PCDHA6: variants seen among roughly 807,000 people sequenced by gnomAD.
PCDHA6 encodes protocadherin alpha 6.
A neutral mutation model predicts 60.3 loss-of-function variants in PCDHA6; 55 were observed. The ratio of observed to expected loss-of-function variants is 0.91; its 90% confidence interval spans 0.73 to 1.14. The LOEUF (loss-of-function observed/expected upper bound fraction) is 1.14, where lower values mean the gene tolerates loss of function less well. PCDHA6 is among the 50% of genes most tolerant of loss of function. PCDHA6 has a pLI of 0.00. For missense variants in PCDHA6, 1,327 were observed against 1,256.5 expected (o/e 1.06, Z -0.85); for synonymous variants, 652 against 557.9 (o/e 1.17, Z -2.38).
At chr5:140,967,731 G>T in intron 1 of PCDHA6, 1 of 1,614,164 alleles carries the variant, frequency 6.2e-7, no homozygotes, top group African/African-American at 1.3e-5. Context: ...GTAATTGGGG[G>T]GCTGGATTAT....
At chr5:140,870,920 T>G (rs782215482) in intron 1 of PCDHA6, 20 of 1,613,814 alleles carry the variant, frequency 1.2e-5, no homozygotes, top group Non-Finnish European at 3.4e-6. Flanking sequence ...AACGCGTGGC[T>G]TTCATATGAA....
rs1554254172 is a variant in PCDHA6, at chr5:140,994,436, C to G, written c.2542+11873C>G. On this transcript the variant is annotated intron_variant, in intron 3 of 3. Coordinates refer to ENST00000529310, the MANE Select transcript of PCDHA6 (RefSeq NM_018909.4). ...TGGATATTGAGGCCGGGCGCAGTGG[C>G]TCACACCTGTGATCCCAGCACTTTG... 1.3e-5 allele frequency among the ~76,000 whole-genome samples: 2 copies of G among 152,164 alleles called. 1 individual carries two copies. Among genetic ancestry groups the G allele is most frequent in the African/African-American group, 4.8e-5 (2 of 41,432 alleles).
intron 1 of PCDHA6, among the ~76,000 whole-genome samples, chr5:140,973,225 G>A (rs1554235003): frequency 6.6e-6 from 1 of 152,180 alleles, no homozygotes; most frequent in African/African-American, 2.4e-5. Flanking sequence ...TCCAGGTATA[G>A]TGACCTGAAA....
intron 3 of PCDHA6, among the ~76,000 whole-genome samples, chr5:140,989,348 G>A (rs1455202093): frequency 6.6e-6 from 1 of 152,196 alleles, no homozygotes; most frequent in African/African-American, 2.4e-5. Context: ...GCTCAAAGGT[G>A]ATAGGTCACC....
intron 1 of PCDHA6, among the ~76,000 whole-genome samples, chr5:140,932,550 A>T (rs552367725): frequency 2.6e-5 from 4 of 152,058 alleles, no homozygotes; most frequent in Admixed American, 2.0e-4. Context: ...TTTAACATAC[A>T]TTCCACAAGT....
chr5:140,876,898 A>G (rs2056678585), intron 1 of PCDHA6: 38 of 1,614,056 alleles, frequency 2.4e-5, no homozygotes, highest in Non-Finnish European at 3.1e-5. Flanking sequence ...CCACATCTTC[A>G]CGGTGTCGGC....
At chr5:140,927,295 G>T (rs1343982131) in intron 1 of PCDHA6, 2 of 1,614,032 alleles carry the variant, frequency 1.2e-6, no homozygotes, top group African/African-American at 2.7e-5. Context: ...GCACATCCCC[G>T]AGTTCCTGAC....
intron 1 of PCDHA6, chr5:140,968,744 G>T: frequency 6.2e-7 from 1 of 1,614,164 alleles, no homozygotes; most frequent in Non-Finnish European, 8.5e-7. Context: ...CAACCTGACC[G>T]TGGTGGTCCG....
chr5:140,930,997 A>G (rs1355351475), intron 1 of PCDHA6, among the ~76,000 whole-genome samples: 3 of 152,198 alleles, frequency 2.0e-5, no homozygotes, highest in Admixed American at 1.3e-4. Context: ...GACCTACACT[A>G]ATAACATAAC....
At chr5:140,927,376 A>G (rs1554204440) in intron 1 of PCDHA6, 13 of 1,614,094 alleles carry the variant, frequency 8.1e-6, no homozygotes, top group East Asian at 2.2e-5. Context: ...ACTAAGCTAC[A>G]GCCTAAGCCC....
chr5:141,006,105 G>T (rs2098255059), intron 3 of PCDHA6, among the ~76,000 whole-genome samples: 1 of 143,364 alleles, frequency 7.0e-6, no homozygotes. Context: ...ATGGTAAGGA[G>T]TTTTTTTTTT....
chr5:140,837,077 T>G (rs1350684380), intron 1 of PCDHA6: 3 of 173,170 alleles, frequency 1.7e-5, no homozygotes, highest in Non-Finnish European at 3.7e-5. Context: ...AATCAATACC[T>G]ATAAATGTTA....
In PCDHA6 at chr5:141,010,432, C is replaced by T; in HGVS notation, c.*495C>T. On this transcript the variant is annotated 3_prime_UTR_variant, in exon 4 of 4. Coordinates refer to ENST00000529310, the MANE Select transcript of PCDHA6 (RefSeq NM_018909.4). The stretch of plus-strand genomic sequence containing the variant: ...AATTGGTACAAGGAAGGCAAGAAAA[C>T]AAAGACAAATAAACAGCGGAAGTTA... 1 of 1,056,970 alleles carries T rather than the reference C, an allele frequency of 9.5e-7. No individual in the cohort carries two copies. The highest frequency in any genetic ancestry group is 1.3e-6 in the Non-Finnish European group (1 of 756,282). 65.5% of individuals were successfully genotyped at this position (1,056,970 alleles called of 1,614,324 possible).
At chr5:140,871,719 T>C in intron 1 of PCDHA6, 1 of 783,566 alleles carries the variant, frequency 1.3e-6, no homozygotes, top group Non-Finnish European at 1.9e-6. Context: ...CCTATTTCTC[T>C]TAATATTTGG....
At chr5:140,857,986 A>C in intron 1 of PCDHA6, 1 of 1,596,686 alleles carries the variant, frequency 6.3e-7, no homozygotes, top group South Asian at 1.1e-5. Flanking sequence ...GCCAGCGCCT[A>C]CTGGTGCTGG....
chr5:140,882,813 C>T lies in PCDHA6; in HGVS notation c.2394+52328C>T, dbSNP rs782169035. On this transcript the variant is annotated intron_variant, in intron 1 of 3. Transcript: ENST00000529310. ...CCCAACGATTATTTCACTTTGGACG[C>T]ACAAAACAGTCTTGAGCAAATGTCT... 4 of 1,614,176 alleles carry T rather than the reference C, an allele frequency of 2.5e-6. No individual in the cohort carries two copies. The East Asian group carries it at 6.7e-5, about 27-fold the overall frequency.
At position 140,970,091 on chromosome 5, in the gene PCDHA6, G is replaced by A. The variant is rs542039822; in HGVS notation, c.2395-8858G>A. ...AATGAGTGGATTAGGGGTGTGGGGG[G>A]ATGGTGAAGACCAAGAGAAGCTGGG... On this transcript the variant is annotated intron_variant, in intron 1 of 3. Coordinates refer to ENST00000529310, the MANE Select transcript of PCDHA6 (RefSeq NM_018909.4). 3.9e-4 allele frequency among the ~76,000 whole-genome samples: 59 copies of A among 152,258 alleles called. 1 individual carries two copies. Among genetic ancestry groups the A allele is most frequent in the Admixed American group, 1.1e-3 (17 of 15,292 alleles).
intron 1 of PCDHA6, among the ~76,000 whole-genome samples, chr5:140,873,515 C>A (rs2054335003): frequency 6.6e-6 from 1 of 152,056 alleles, no homozygotes; most frequent in African/African-American, 2.4e-5. Context: ...ATACTTAATG[C>A]CAAGATTGCA....
At chr5:140,863,429 G>A (rs781937083) in intron 1 of PCDHA6, 1 of 653,862 alleles carries the variant, frequency 1.5e-6, no homozygotes, top group East Asian at 4.5e-5. Flanking sequence ...AGCGTAGTGG[G>A]ATCTGGTCTT....
Sources: allele counts gnomAD v4.1 joint callset (sites outside exome capture counted in the v4.1 genomes callset), GRCh38; gene constraint gnomAD v4.1.1; transcripts MANE v1.5; gene names NCBI Gene and HGNC (gene_info 2026-07-23, HGNC 2026-07-21).